Variants in CACNA1B observed in about 807,000 individuals in gnomAD.
CACNA1B encodes calcium voltage-gated channel subunit alpha1 B, also known as voltage-dependent N-type calcium channel subunit alpha-1B.
Under a neutral mutation model 247.2 loss-of-function variants are expected in CACNA1B, and 70 were observed. The observed-to-expected ratio is 0.28, with a 90% confidence interval of 0.23 to 0.35. CACNA1B has a LOEUF of 0.35. Among genes scored for constraint, CACNA1B ranks in the 10% least tolerant of loss-of-function variants. The pLI, the probability that CACNA1B is intolerant of heterozygous loss-of-function variation, is 1.00. For missense variants in CACNA1B, 2,367 were observed against 3,197.4 expected (o/e 0.74, Z 6.26); for synonymous variants, 1,231 against 1,294.4 (o/e 0.95, Z 1.05).
intron 32 of CACNA1B, among the ~76,000 whole-genome samples, chr9:138,070,624 A>G (rs564731468): frequency 2.0e-5 from 3 of 152,374 alleles, no homozygotes; most frequent in Non-Finnish European, 2.9e-5. Context: ...GCGATTCACA[A>G]TTGGAGCAGA....
At chr9:137,996,407 A>G (rs1958501424) in intron 15 of CACNA1B, among the ~76,000 whole-genome samples, 1 of 152,228 alleles carries the variant, frequency 6.6e-6, no homozygotes, top group Non-Finnish European at 1.5e-5. Context: ...GAAGTAAGTC[A>G]GGAATGGAAA....
Position 137,960,161 on chromosome 9 carries a change from A to G in CACNA1B, c.1333+2474A>G, listed in dbSNP as rs192812345. Among the ~76,000 whole-genome samples the G allele has an allele frequency of 8.6e-4, 86 of 99,744 alleles. 1 individual carries two copies. Among genetic ancestry groups the G allele is most frequent in the African/African-American group, 3.2e-3 (80 of 25,346 alleles). The allele number at this position is 99,744 out of a possible 152,430, so 65.4% of individuals were successfully genotyped here. On this transcript the variant is annotated intron_variant, in intron 10 of 46. Transcript: ENST00000371372. Reference sequence around the variant, plus strand: ...AGAGAGAGGGGAGCTTGGCCTGAGGAACGTGTGTGGCGGGGAGGGAAAGTT... The same window carrying G: ...AGAGAGAGGGGAGCTTGGCCTGAGGGACGTGTGTGGCGGGGAGGGAAAGTT...
intron 10 of CACNA1B, among the ~76,000 whole-genome samples, chr9:137,959,765 C>T (rs765832809): frequency 1.3e-5 from 2 of 152,184 alleles, no homozygotes; most frequent in East Asian, 1.9e-4. Context: ...GTGCCCGCCA[C>T]GTGCCAGCAA....
At chr9:137,900,188 G>C (rs1454365528) in intron 3 of CACNA1B, among the ~76,000 whole-genome samples, 1 of 152,148 alleles carries the variant, frequency 6.6e-6, no homozygotes, top group East Asian at 1.9e-4. Context: ...GTGCCCCCCT[G>C]GCCCACGCGG....
intron 39 of CACNA1B, among the ~76,000 whole-genome samples, chr9:138,109,314 C>T (rs975494804): frequency 1.3e-5 from 2 of 152,152 alleles, no homozygotes; most frequent in East Asian, 1.9e-4. Flanking sequence ...CTTGACATGC[C>T]GTTTTAGCTT....
At chr9:137,948,468 A>T (rs1459837932) in intron 6 of CACNA1B, among the ~76,000 whole-genome samples, 1 of 151,270 alleles carries the variant, frequency 6.6e-6, no homozygotes, top group Non-Finnish European at 1.5e-5. Flanking sequence ...CATCCCCTTC[A>T]TTCTCTTGTT....
intron 34 of CACNA1B, 64 bp downstream of exon 34, chr9:138,074,130 C>T (rs1453580020): frequency 1.8e-6 from 2 of 1,105,766 alleles, no homozygotes; most frequent in Non-Finnish European, 2.8e-6. Flanking sequence ...CAGAGGGGCA[C>T]TGATCATGAT....
At chr9:137,892,333 T>C (rs1017852924) in intron 3 of CACNA1B, 1 of 456,606 alleles carries the variant, frequency 2.2e-6, no homozygotes, top group African/African-American at 2.0e-5. Context: ...ACTGCCTTCT[T>C]GTGGTGGGCG....
intron 6 of CACNA1B, among the ~76,000 whole-genome samples, chr9:137,936,146 T>C (rs1957665655): frequency 6.6e-6 from 1 of 152,180 alleles, no homozygotes; most frequent in South Asian, 2.1e-4. Context: ...CGTGAGCCAC[T>C]GCGCCCGGCT....
At chr9:138,006,593 C>A (rs555106023) in intron 15 of CACNA1B, among the ~76,000 whole-genome samples, 174 bp from the exon 16 acceptor site, 1 of 152,342 alleles carries the variant, frequency 6.6e-6, no homozygotes, top group South Asian at 2.1e-4. Flanking sequence ...TTCTGGAGGA[C>A]CCTGGGATGC....
intron 3 of CACNA1B, among the ~76,000 whole-genome samples, chr9:137,903,434 C>T (rs933669203): frequency 6.6e-6 from 1 of 152,124 alleles, no homozygotes; most frequent in African/African-American, 2.4e-5. Context: ...TGCTCTGCTT[C>T]GACTCATACG....
chr9:138,026,997 T>C (rs1199462737), intron 20 of CACNA1B, among the ~76,000 whole-genome samples: 1 of 152,260 alleles, frequency 6.6e-6, no homozygotes, highest in African/African-American at 2.4e-5. Flanking sequence ...TTGTTTATTT[T>C]GCAATTTCCT....
Position 138,011,546 on chromosome 9 carries a change from A to G in CACNA1B, c.2160+1469A>G, listed in dbSNP as rs956627368. On this transcript the variant is annotated intron_variant, in intron 17 of 46. Coordinates refer to ENST00000371372, the MANE Select transcript of CACNA1B (RefSeq NM_000718.4). The surrounding 1 kb of genome is among the most constrained non-coding windows in gnomAD (Gnocchi z 4.2). ...AATATTCCCACAAAAGCATTACAGC[A>G]CTATGTACCTTTTGAAGCGAGGATA... 6.6e-6 allele frequency among the ~76,000 whole-genome samples: 1 copy of G among 152,158 alleles called. No individual in the cohort carries two copies. The highest frequency in any genetic ancestry group is 1.5e-5 in the Non-Finnish European group (1 of 68,028).
chr9:137,935,332 C>T (rs191850992), intron 6 of CACNA1B, among the ~76,000 whole-genome samples: 159 of 152,264 alleles, frequency 1.0e-3, no homozygotes, highest in Non-Finnish European at 1.9e-3. Context: ...CAATTCCCAC[C>T]TGTGAGTGAG....
rs1357801282 is a variant in CACNA1B, at chr9:138,094,873, C to A, written c.5095-1611C>A. Among the ~76,000 whole-genome samples, 3 of 152,142 alleles carry A rather than the reference C, an allele frequency of 2.0e-5. No homozygotes were observed. The East Asian group carries it at 5.8e-4, about 29-fold the overall frequency. ...ATAATTCAGTGAGGGAGAGAATAAT[C>A]TTTTCAACAAATAATATGGAGAAAA... is the stretch of plus-strand genomic sequence containing the variant. On this transcript the variant is annotated intron_variant, in intron 36 of 46. Transcript: ENST00000371372.
chr9:137,895,269 A>G (rs888876553), intron 3 of CACNA1B, among the ~76,000 whole-genome samples: 5 of 152,220 alleles, frequency 3.3e-5, no homozygotes. Context: ...GAAACTGGGT[A>G]GTACTTACTC....
intron 31 of CACNA1B, among the ~76,000 whole-genome samples, chr9:138,064,664 T>C (rs1423290917): frequency 6.6e-6 from 1 of 152,228 alleles, no homozygotes. Flanking sequence ...TGTGGACCTT[T>C]GCAGGTCAGG....
chr9:137,947,399 G>A (rs1458520137), intron 6 of CACNA1B, among the ~76,000 whole-genome samples: 3 of 152,072 alleles, frequency 2.0e-5, no homozygotes, highest in Admixed American at 6.5e-5. Flanking sequence ...AGCACAAATC[G>A]GCCTTAGGGT....
chr9:137,970,310 C>T (rs532331876), intron 10 of CACNA1B, among the ~76,000 whole-genome samples: 1 of 152,256 alleles, frequency 6.6e-6, no homozygotes, highest in South Asian at 2.1e-4. Flanking sequence ...CATGGCCAGG[C>T]TTAGTGCACA....
Sources: allele counts gnomAD v4.1 joint callset (sites outside exome capture counted in the v4.1 genomes callset), GRCh38; gene constraint gnomAD v4.1.1; non-coding constraint Gnocchi (gnomAD v3.1); transcripts MANE v1.5; gene names NCBI Gene and HGNC (gene_info 2026-07-23, HGNC 2026-07-21).